POU6F2: variants seen among roughly 807,000 people sequenced by gnomAD.
POU6F2 encodes the protein POU domain, class 6, transcription factor 2.
A neutral mutation model predicts 71.3 loss-of-function variants in POU6F2; 31 were observed. The ratio of observed to expected loss-of-function variants is 0.43; its 90% CI spans 0.33 to 0.59. POU6F2 has a LOEUF of 0.59. Ranked by LOEUF, POU6F2 falls within the 20% of genes least tolerant of loss-of-function variation. The pLI, the probability that POU6F2 is intolerant of heterozygous loss-of-function variation, is 0.04. For synonymous variants in POU6F2, 347 were observed against 355.7 expected (o/e 0.98, Z 0.27); for missense variants, 783 against 856.8 (o/e 0.91, Z 1.07).
chr7:39,022,255 ATC>A (rs1789693229), intron 1 of POU6F2, among the ~76,000 whole-genome samples: 1 of 151,912 alleles, frequency 6.6e-6, no homozygotes, highest in Non-Finnish European at 1.5e-5. Flanking sequence ...CATACTTGGC[ATC>A]TCTTTTTTTG....
At chr7:39,108,619 G>A (rs1482512742) in intron 2 of POU6F2, among the ~76,000 whole-genome samples, 1 of 152,128 alleles carries the variant, frequency 6.6e-6, no homozygotes, top group Non-Finnish European at 1.5e-5. Flanking sequence ...ATCTTCATTT[G>A]CCCAGAGAAA....
At chr7:39,417,272 G>A (rs1204596118) in intron 6 of POU6F2, among the ~76,000 whole-genome samples, 1 of 152,172 alleles carries the variant, frequency 6.6e-6, no homozygotes, top group Non-Finnish European at 1.5e-5. Flanking sequence ...TGGTCTGTGA[G>A]CTGTTGACAT....
chr7:39,279,981 A>G (rs7805702), intron 4 of POU6F2, among the ~76,000 whole-genome samples: 41,018 of 151,898 alleles, frequency 0.27, 6,288 homozygotes, highest in African/African-American at 0.41. Flanking sequence ...TCCTGACCTC[A>G]TGATTAGCCT....
chr7:38,999,344 T>A (rs1788832957), intron 1 of POU6F2, among the ~76,000 whole-genome samples: 3 of 152,134 alleles, frequency 2.0e-5, no homozygotes, highest in Non-Finnish European at 4.4e-5. Flanking sequence ...TAAAGATTTG[T>A]CAAGTGTATG....
intron 4 of POU6F2, among the ~76,000 whole-genome samples, chr7:39,208,442 A>C (rs1018535534): frequency 1.1e-4 from 17 of 152,200 alleles, no homozygotes; most frequent in African/African-American, 4.1e-4. Flanking sequence ...TTAACAATTA[A>C]AATTTTTGCA....
At chr7:39,291,445 G>T (rs7803411) in intron 4 of POU6F2, among the ~76,000 whole-genome samples, 1 of 151,914 alleles carries the variant, frequency 6.6e-6, no homozygotes, top group Non-Finnish European at 1.5e-5. Context: ...ATCTTGTTTT[G>T]CTCTTTATGA....
At chr7:39,427,549 C>CT (rs1251006156) in intron 6 of POU6F2, among the ~76,000 whole-genome samples, 1 of 152,234 alleles carries the variant, frequency 6.6e-6, no homozygotes, top group South Asian at 2.1e-4. Context: ...CCTCCAAGTT[C>CT]TTTACTCTTG....
intron 5 of POU6F2, among the ~76,000 whole-genome samples, chr7:39,348,407 A>C (rs1388367682): frequency 6.6e-6 from 1 of 152,254 alleles, no homozygotes; most frequent in South Asian, 2.1e-4. Flanking sequence ...TCACAGTTCT[A>C]ACTGGAGTAA....
chr7:39,114,604 A>G (rs113390250), intron 2 of POU6F2, among the ~76,000 whole-genome samples: 7 of 152,278 alleles, frequency 4.6e-5, no homozygotes, highest in African/African-American at 1.7e-4. Flanking sequence ...TAAAAAAGAG[A>G]TGAAACTGAT....
chr7:38,997,879 C>T (rs1788782950), intron 1 of POU6F2, among the ~76,000 whole-genome samples: 2 of 152,056 alleles, frequency 1.3e-5, no homozygotes, highest in Admixed American at 1.3e-4. Context: ...TTATCAAGTC[C>T]AACAGACCCA....
intron 2 of POU6F2, among the ~76,000 whole-genome samples, chr7:39,193,221 G>T (rs1214993862): frequency 1.3e-5 from 2 of 152,040 alleles, no homozygotes; most frequent in Non-Finnish European, 2.9e-5. Flanking sequence ...ACGATTGCGG[G>T]GGGTGCTTAT....
intron 7 of POU6F2, among the ~76,000 whole-genome samples, chr7:39,444,130 T>A (rs1438910305): frequency 6.6e-6 from 1 of 152,234 alleles, no homozygotes; most frequent in Admixed American, 6.5e-5. Context: ...CTGATGATGA[T>A]TCTTTCCAAT....
Position 39,465,839 on chromosome 7 carries a change from G to C in POU6F2, c.*1153G>C, listed in dbSNP as rs1483773995. ...TAATATAAACATAAGCTGCACATTTGGTTCAATACTTACATCTATGTTATG... is the reference window on the plus strand; with the variant it reads ...TAATATAAACATAAGCTGCACATTTCGTTCAATACTTACATCTATGTTATG... On this transcript the variant is annotated 3_prime_UTR_variant, in exon 10 of 10. Coordinates refer to ENST00000518318, the MANE Select transcript of POU6F2 (RefSeq NM_001370959.1). The C allele has an allele frequency of 1.3e-5, 2 of 152,136 alleles. No individual in the cohort carries two copies. The highest frequency in any genetic ancestry group is 2.4e-5 in the African/African-American group (1 of 41,414). The allele number at this position is 152,136 out of a possible 1,614,324, so 9.4% of individuals were successfully genotyped here.
intron 2 of POU6F2, among the ~76,000 whole-genome samples, chr7:39,171,016 CTTTTTTTT>C (rs760022218): frequency 1.1e-5 from 1 of 94,556 alleles, no homozygotes; most frequent in African/African-American, 4.1e-5. Context: ...TCACATATAT[CTTTTTTTT>C]TTTTTTTTTT....
chr7:39,236,702 C>T (rs1794682587), intron 4 of POU6F2, among the ~76,000 whole-genome samples: 1 of 152,078 alleles, frequency 6.6e-6, no homozygotes, highest in South Asian at 2.1e-4. Flanking sequence ...ATTTATCATA[C>T]ATCGTTTTAG....
At chr7:39,160,764 T>C (rs1208112598) in intron 2 of POU6F2, among the ~76,000 whole-genome samples, 1 of 152,222 alleles carries the variant, frequency 6.6e-6, no homozygotes, top group Non-Finnish European at 1.5e-5. Flanking sequence ...TCTTGTATGG[T>C]AGTTGTGAAC....
intron 4 of POU6F2, among the ~76,000 whole-genome samples, chr7:39,330,268 C>T (rs1408835979): frequency 6.6e-6 from 1 of 152,180 alleles, no homozygotes; most frequent in Non-Finnish European, 1.5e-5. Context: ...CTTTTTCTCC[C>T]TGCTCCAAAG....
intron 2 of POU6F2, among the ~76,000 whole-genome samples, chr7:39,201,752 TGC>T (rs1793908711): frequency 6.6e-6 from 1 of 152,242 alleles, no homozygotes; most frequent in African/African-American, 2.4e-5. Flanking sequence ...TCAAATTCTC[TGC>T]AAACGTTCAG....
chr7:39,172,122 A>G (rs935173539), intron 2 of POU6F2, among the ~76,000 whole-genome samples: 1 of 152,204 alleles, frequency 6.6e-6, no homozygotes, highest in African/African-American at 2.4e-5. Flanking sequence ...TCCCCAAGAG[A>G]TAGTCATTAC....
Sources: gnomAD v4.1 joint callset for allele counts (sites outside exome capture counted in the v4.1 genomes callset) on GRCh38, gnomAD v4.1.1 for gene constraint, MANE v1.5 for transcripts, NCBI Gene and HGNC (gene_info 2026-07-23, HGNC 2026-07-21) for gene names.